Variants in ANKRD55 observed in about 807,000 individuals in gnomAD.
ANKRD55 encodes ankyrin repeat domain 55.
A neutral mutation model predicts 60.6 loss-of-function variants in ANKRD55; 41 were observed. That is an observed-to-expected ratio of 0.68 (90% CI 0.53 to 0.88). The LOEUF (loss-of-function observed/expected upper bound fraction) is 0.88. Among genes scored for constraint, ANKRD55 ranks in the 40% least tolerant of loss-of-function variants. The pLI, the probability that ANKRD55 is intolerant of heterozygous loss-of-function variation, is 0.00. For missense variants in ANKRD55, 732 were observed against 767.6 expected (o/e 0.95, Z 0.55); for synonymous variants, 264 against 290.3 (o/e 0.91, Z 0.92).
chr5:56,177,957 T>C (rs1758772446), intron 3 of ANKRD55, among the ~76,000 whole-genome samples: 1 of 152,192 alleles, frequency 6.6e-6, no homozygotes, highest in Non-Finnish European at 1.5e-5. Context: ...TAATTTTTCA[T>C]CATCCTTCAT....
chr5:56,106,505 C>T (rs1273041041), intron 10 of ANKRD55, among the ~76,000 whole-genome samples: 1 of 146,278 alleles, frequency 6.8e-6, no homozygotes, highest in Non-Finnish European at 1.5e-5. Flanking sequence ...CTCACTGCAA[C>T]CTCTGCCTCC....
At chr5:56,100,401 T>C in intron 11 of ANKRD55, 97 bp from the exon 12 acceptor site, 1 of 1,462,020 alleles carries the variant, frequency 6.8e-7, no homozygotes, top group African/African-American at 1.4e-5. Context: ...TCGAGGCATT[T>C]CTAAGAAGTG....
At chr5:56,202,587 C>T (rs1019601785) in intron 2 of ANKRD55, among the ~76,000 whole-genome samples, 1 of 152,308 alleles carries the variant, frequency 6.6e-6, no homozygotes, top group Admixed American at 6.5e-5. Flanking sequence ...GGAAAAATAG[C>T]TCCGAACTTT....
At chr5:56,224,246 A>G (rs1760047705) in intron 2 of ANKRD55, among the ~76,000 whole-genome samples, 1 of 151,646 alleles carries the variant, frequency 6.6e-6, no homozygotes, top group Non-Finnish European at 1.5e-5. Context: ...TACTGGGTAC[A>G]TAATGAAATG....
chr5:56,163,277 A>G (rs1307251221), intron 5 of ANKRD55, among the ~76,000 whole-genome samples: 1 of 152,190 alleles, frequency 6.6e-6, no homozygotes, highest in African/African-American at 2.4e-5. Flanking sequence ...TACAGCCTGA[A>G]CCAGAAACCA....
chr5:56,166,158 T>TTTCTTTCTATCTTCTTTCC (rs1554040812), intron 5 of ANKRD55, among the ~76,000 whole-genome samples: 1 of 72,438 alleles, frequency 1.4e-5, no homozygotes, highest in Admixed American at 1.5e-4. Flanking sequence ...TTCTTTCTTC[T>TTTCTTTCTATCTTCTTTCC]TTCCTTCCTT....
intron 2 of ANKRD55, among the ~76,000 whole-genome samples, chr5:56,227,262 C>A (rs936156481): frequency 6.7e-6 from 1 of 149,852 alleles, no homozygotes; most frequent in East Asian, 2.0e-4. Flanking sequence ...ACCACATGTT[C>A]TCACTCATAG....
chr5:56,160,225 A>G (rs1758292098), intron 5 of ANKRD55, among the ~76,000 whole-genome samples: 1 of 152,116 alleles, frequency 6.6e-6, no homozygotes, highest in South Asian at 2.1e-4. Flanking sequence ...ATCCAAAATC[A>G]TGTAGCAATT....
rs1029804762 is a variant in ANKRD55 at position 56,132,657 on chromosome 5, TCTAA to T, written c.613-5555_613-5552del. 6.8e-4 allele frequency among the ~76,000 whole-genome samples: 103 copies of T among 150,578 alleles called. No homozygotes were observed. The Middle Eastern group carries it at 0.01, about 15-fold the overall frequency. Reference sequence around the variant, plus strand: ...CAGTAACAAATATGATCGATGTTACTCTAACTATATGAATAATCACTCTGAACAT... The same window carrying T: ...CAGTAACAAATATGATCGATGTTACTCTATATGAATAATCACTCTGAACAT... On this transcript the variant is annotated intron_variant, in intron 7 of 11. Coordinates refer to ENST00000341048, the MANE Select transcript of ANKRD55 (RefSeq NM_024669.3).
intron 6 of ANKRD55, among the ~76,000 whole-genome samples, chr5:56,156,404 A>G (rs976846202): frequency 6.6e-6 from 1 of 151,960 alleles, no homozygotes; most frequent in Non-Finnish European, 1.5e-5. Context: ...TACAATTACC[A>G]CTCTTAGAAA....
intron 5 of ANKRD55, among the ~76,000 whole-genome samples, chr5:56,166,153 T>TCTTTCTTTCTTTCTTC (rs1561277862): frequency 2.0e-5 from 1 of 49,538 alleles, no homozygotes; most frequent in East Asian, 6.7e-4. Context: ...TTTCTTTCTT[T>TCTTTCTTTCTTTCTTC]CTTCTTTCCT....
chr5:56,230,540 A>G (rs1760228485), intron 2 of ANKRD55, among the ~76,000 whole-genome samples: 1 of 151,824 alleles, frequency 6.6e-6, no homozygotes, highest in Admixed American at 6.6e-5. Flanking sequence ...TTCATGAAAA[A>G]CCCTCAACTA....
chr5:56,232,580 A>C (rs1255244833), intron 2 of ANKRD55, among the ~76,000 whole-genome samples: 3 of 152,222 alleles, frequency 2.0e-5, no homozygotes, highest in Non-Finnish European at 2.9e-5. Flanking sequence ...TGAAGGTAGG[A>C]ATACTTCAAC....
chr5:56,123,470 T>C (rs1757140766), intron 8 of ANKRD55, among the ~76,000 whole-genome samples: 1 of 152,192 alleles, frequency 6.6e-6, no homozygotes, highest in African/African-American at 2.4e-5. Flanking sequence ...TCAATCACAC[T>C]GCATATTTGA....
chr5:56,126,194 T>C (rs1398300344), intron 8 of ANKRD55, among the ~76,000 whole-genome samples: 6 of 152,178 alleles, frequency 3.9e-5, no homozygotes, highest in Non-Finnish European at 5.9e-5. Flanking sequence ...GGGCTAATTT[T>C]GCACTTCAAT....
At chr5:56,170,097 C>T (rs1324803106) in intron 5 of ANKRD55, among the ~76,000 whole-genome samples, 1 of 152,170 alleles carries the variant, frequency 6.6e-6, no homozygotes, top group African/African-American at 2.4e-5. Context: ...CTTCTGGTTT[C>T]CTTCTAACCC....
At chr5:56,158,267 C>G (rs973083372) in intron 6 of ANKRD55, among the ~76,000 whole-genome samples, 1 of 152,152 alleles carries the variant, frequency 6.6e-6, no homozygotes, top group African/African-American at 2.4e-5. Flanking sequence ...CTATGGTCAC[C>G]TAGCTTCCTT....
chr5:56,143,611 C>T (rs888855965), intron 7 of ANKRD55, among the ~76,000 whole-genome samples, 190 bp downstream of exon 7: 2 of 152,170 alleles, frequency 1.3e-5, no homozygotes, highest in African/African-American at 2.4e-5. Context: ...GTGTGTGCCA[C>T]CCAAGGCAGG....
At chr5:56,173,592 A>ATT (rs1758668051) in intron 4 of ANKRD55, among the ~76,000 whole-genome samples, 1 of 133,648 alleles carries the variant, frequency 7.5e-6, no homozygotes, top group Non-Finnish European at 1.6e-5. Context: ...CTATATATAT[A>ATT]TATATATATA....
Sources: allele counts gnomAD v4.1 joint callset (sites outside exome capture counted in the v4.1 genomes callset), GRCh38; gene constraint gnomAD v4.1.1; transcripts MANE v1.5; gene names NCBI Gene and HGNC (gene_info 2026-07-23, HGNC 2026-07-21).